The following STPG2 variants were observed in gnomAD, a reference collection of about 807,000 sequenced individuals.
STPG2 encodes the protein sperm tail PG-rich repeat containing 2, also known as sperm-tail PG-rich repeat-containing protein 2.
STPG2 carries 56 observed loss-of-function variants against 54.2 expected under a neutral mutation model. The observed-to-expected ratio is 1.03, with a 90% CI of 0.83 to 1.29. STPG2 has a LOEUF of 1.29. Among genes scored for constraint, STPG2 ranks in the 50% most tolerant of loss-of-function variants. The pLI is 0.00. For missense variants in STPG2, 596 were observed against 544.9 expected, an observed-to-expected ratio of 1.09 and a Z score of -0.93; for synonymous variants, 200 against 181.8, an observed-to-expected ratio of 1.10 and a Z score of -0.81.
chr4:97,907,400 C>A (rs542465655), intron 8 of STPG2, among the ~76,000 whole-genome samples: 1 of 152,324 alleles, frequency 6.6e-6, no homozygotes, highest in South Asian at 2.1e-4. Flanking sequence ...AATCCATGTT[C>A]ATGGGTAGGA....
intron 10 of STPG2, among the ~76,000 whole-genome samples, chr4:97,580,969 A>G (rs1732849637): frequency 6.6e-6 from 1 of 152,112 alleles, no homozygotes; most frequent in African/African-American, 2.4e-5. Context: ...CAGAAAAAAT[A>G]CAATTATAAA....
At chr4:97,547,538 A>ATATT (rs1444931347) in intron 4 of STPG2, among the ~76,000 whole-genome samples, 1 of 152,178 alleles carries the variant, frequency 6.6e-6, no homozygotes, top group African/African-American at 2.4e-5. Context: ...CAGTAGATGC[A>ATATT]TATTTTTAAA....
At chr4:97,918,573 G>A (rs1731975122) in intron 8 of STPG2, among the ~76,000 whole-genome samples, 1 of 151,714 alleles carries the variant, frequency 6.6e-6, no homozygotes, top group East Asian at 1.9e-4. Context: ...ATATGTGTAT[G>A]TGTATATGTA....
chr4:97,749,673 C>T (rs1355438354), intron 9 of STPG2, among the ~76,000 whole-genome samples: 1 of 151,672 alleles, frequency 6.6e-6, no homozygotes, highest in East Asian at 1.9e-4. Context: ...TTAATAAGTG[C>T]CCCATTTCAT....
intron 5 of STPG2, among the ~76,000 whole-genome samples, chr4:97,995,848 G>A (rs930855674): frequency 7.9e-5 from 12 of 152,062 alleles, no homozygotes; most frequent in Non-Finnish European, 1.5e-4. Context: ...ACATGTTGAA[G>A]GAAGGCATGG....
chr4:97,672,706 G>C (rs1722736803), intron 10 of STPG2, among the ~76,000 whole-genome samples: 2 of 152,140 alleles, frequency 1.3e-5, no homozygotes, highest in African/African-American at 4.8e-5. Flanking sequence ...GTGCATCTCA[G>C]GAGAACATGA....
At chr4:97,848,395 G>A (rs1270459933) in intron 8 of STPG2, among the ~76,000 whole-genome samples, 5 of 152,094 alleles carry the variant, frequency 3.3e-5, no homozygotes, top group African/African-American at 1.2e-4. Flanking sequence ...AATTTCCTCA[G>A]ATAAGATTCA....
At chr4:97,522,996 GGA>G (rs2148848109) in intron 4 of STPG2, among the ~76,000 whole-genome samples, 1 of 152,052 alleles carries the variant, frequency 6.6e-6, no homozygotes, top group East Asian at 1.9e-4. Context: ...CATGTGAATG[GGA>G]GAGTTTCTTC....
At chr4:97,709,585 AT>A (rs750080836) in intron 10 of STPG2, among the ~76,000 whole-genome samples, 92 of 151,790 alleles carry the variant, frequency 6.1e-4, no homozygotes, top group Middle Eastern at 4.1e-3. Context: ...TATTTAAAGG[AT>A]TTTATGACAT....
chr4:98,015,407 A>T (rs188698510), intron 5 of STPG2, among the ~76,000 whole-genome samples: 2 of 152,360 alleles, frequency 1.3e-5, no homozygotes, highest in East Asian at 3.9e-4. Flanking sequence ...TGATATGAAT[A>T]GACACTTCTC....
At chr4:97,886,484 C>T (rs151184986) in intron 8 of STPG2, among the ~76,000 whole-genome samples, 52 of 152,246 alleles carry the variant, frequency 3.4e-4, no homozygotes, top group East Asian at 2.3e-3. Flanking sequence ...CCTGTGAGCA[C>T]TTTCAAAGAA....
intron 10 of STPG2, among the ~76,000 whole-genome samples, chr4:97,675,745 A>G (rs2148973337): frequency 6.6e-6 from 1 of 151,552 alleles, no homozygotes; most frequent in East Asian, 1.9e-4. Context: ...TTGACTTTGC[A>G]CTATAGTGGC....
At chr4:97,956,817 C>T (rs1733691045) in intron 7 of STPG2, among the ~76,000 whole-genome samples, 1 of 152,084 alleles carries the variant, frequency 6.6e-6, no homozygotes, top group Non-Finnish European at 1.5e-5. Context: ...AATCTTGTTT[C>T]CCTTGAAAAC....
intron 2 of STPG2, 47 bp from the exon 3 acceptor site, chr4:98,128,639 G>A: frequency 7.0e-7 from 1 of 1,418,592 alleles, no homozygotes; most frequent in East Asian, 2.5e-5. Context: ...CAAGAGGAAG[G>A]GGAATGAAGA....
At chr4:98,041,568 C>G (rs370467714) in intron 5 of STPG2, among the ~76,000 whole-genome samples, 2 of 151,700 alleles carry the variant, frequency 1.3e-5, no homozygotes, top group African/African-American at 4.8e-5. Flanking sequence ...TCAAATGCTG[C>G]TTCTGCATCT....
chr4:98,010,567 G>GT lies in STPG2; in HGVS notation c.613-29250dup, dbSNP rs199861841. Among the ~76,000 whole-genome samples, 194 of 152,098 alleles carry GT rather than the reference G, an allele frequency of 1.3e-3. 3 individuals are homozygous for GT. In the East Asian group the frequency reaches 0.032, roughly 25 times the overall value. On this transcript the variant is annotated intron_variant, in intron 5 of 10. Transcript: ENST00000295268. The stretch of plus-strand genomic sequence containing the variant: ...GCATATACTTGGATCTTGGTTTGTG[G>GT]TTTTTTGTTTCAATCATTCAGCCAC...
intron 9 of STPG2, among the ~76,000 whole-genome samples, chr4:97,739,868 C>A (rs1162046373): frequency 8.5e-5 from 13 of 152,058 alleles, no homozygotes; most frequent in Admixed American, 8.5e-4. Context: ...TTTTATGATG[C>A]CAGCATCATC....
At chr4:98,012,529 A>G (rs1735790351) in intron 5 of STPG2, among the ~76,000 whole-genome samples, 1 of 152,184 alleles carries the variant, frequency 6.6e-6, no homozygotes, top group Admixed American at 6.5e-5. Flanking sequence ...GAATCTATAA[A>G]TTACTTTGGG....
intron 9 of STPG2, among the ~76,000 whole-genome samples, chr4:97,822,132 G>A (rs190124505): frequency 2.0e-5 from 3 of 151,968 alleles, no homozygotes; most frequent in East Asian, 3.9e-4. Context: ...TTACTTTTTT[G>A]CTCCTGCATC....
Sources: allele counts gnomAD v4.1 joint callset (sites outside exome capture counted in the v4.1 genomes callset), GRCh38; gene constraint gnomAD v4.1.1; transcripts MANE v1.5; gene names NCBI Gene and HGNC (gene_info 2026-07-23, HGNC 2026-07-21).